Variants in HRH1 observed in about 807,000 individuals in gnomAD.
HRH1 encodes the protein histamine H1 receptor.
HRH1 carries 6 observed loss-of-function variants against 10.3 expected under a neutral mutation model. The ratio of observed to expected loss-of-function variants is 0.58; its 90% CI spans 0.32 to 1.15. The LOEUF (loss-of-function observed/expected upper bound fraction) is 1.15, where lower values mean the gene tolerates loss of function less well. HRH1 is among the 50% of genes most tolerant of loss of function. The pLI is 0.05. For missense variants in HRH1, 514 were observed against 615.3 expected, an observed-to-expected ratio of 0.84 and a Z score of 1.74; for synonymous variants, 242 against 236.7, an observed-to-expected ratio of 1.02 and a Z score of -0.21.
chr3:11,243,742 C>G (rs887089565), intron 1 of HRH1, among the ~76,000 whole-genome samples: 2 of 152,178 alleles, frequency 1.3e-5, no homozygotes, highest in Non-Finnish European at 2.9e-5. Flanking sequence ...ACCCATCCTT[C>G]AAAGCCTGGC....
At chr3:11,237,776 A>T (rs1383796139) in intron 1 of HRH1, among the ~76,000 whole-genome samples, 2 of 143,740 alleles carry the variant, frequency 1.4e-5, no homozygotes, top group East Asian at 4.1e-4. Context: ...CCCAGGTTCA[A>T]GCAATTCTCC....
chr3:11,250,280 C>T (rs1012999406), intron 1 of HRH1, among the ~76,000 whole-genome samples: 13 of 148,000 alleles, frequency 8.8e-5, no homozygotes, highest in African/African-American at 2.8e-4. Flanking sequence ...AGGATGGTCA[C>T]GATCTCCTGA....
chr3:11,247,967 A>G (rs550179441), intron 1 of HRH1, among the ~76,000 whole-genome samples: 1 of 152,080 alleles, frequency 6.6e-6, no homozygotes, highest in Non-Finnish European at 1.5e-5. Flanking sequence ...ATTCCTTTCC[A>G]TTTCCCGAAC....
chr3:11,182,051 C>T (rs1003523193), intron 1 of HRH1, among the ~76,000 whole-genome samples: 15 of 152,036 alleles, frequency 9.9e-5, no homozygotes, highest in African/African-American at 9.7e-5. Context: ...GACACAATCT[C>T]GGCTCACTGC....
Position 11,260,057 on chromosome 3 carries a change from A to T in HRH1, c.1020A>T (p.Thr340=), listed in dbSNP as rs746702553. Residue 340 remains threonine, a synonymous_variant, in exon 2 of 2, where the codon ACA becomes ACT. Coordinates refer to ENST00000431010, the MANE Select transcript of HRH1 (RefSeq NM_001098212.2). ...AGACAGATGAGCAGGGCCTGAACAC[A>T]CATGGGGCCAGCGAGATATCAGAGG... is the stretch of plus-strand genomic sequence containing the variant. ...QLKTDEQGLN[T]HGASEISEDQ... 11 of 1,614,162 alleles carry T rather than the reference A, an allele frequency of 6.8e-6. No homozygotes were observed. Among genetic ancestry groups the T allele is most frequent in the Admixed American group, 1.7e-5 (1 of 60,030 alleles).
chr3:11,217,582 G>A (rs1044732735), intron 1 of HRH1, among the ~76,000 whole-genome samples: 10 of 152,112 alleles, frequency 6.6e-5, no homozygotes, highest in African/African-American at 1.9e-4. Context: ...GAGGGAGGGA[G>A]AAATGGAGAG....
At chr3:11,172,557 T>C (rs531391624) in intron 1 of HRH1, among the ~76,000 whole-genome samples, 17 of 152,248 alleles carry the variant, frequency 1.1e-4, no homozygotes, top group African/African-American at 3.1e-4. Flanking sequence ...AGCTGCTTGC[T>C]AGAATCTCGA....
chr3:11,165,405 T>C (rs1213915831), intron 1 of HRH1, among the ~76,000 whole-genome samples: 1 of 152,186 alleles, frequency 6.6e-6, no homozygotes, highest in African/African-American at 2.4e-5. Context: ...CAGGAATAAG[T>C]CCCAAAACTA....
At position 11,260,200 on chromosome 3, in the gene HRH1, A is replaced by G. The variant is rs200903220; in HGVS notation, c.1163A>G (p.Lys388Arg). 8.1e-6 allele frequency: 13 copies of G among 1,614,012 alleles called. No individual in the cohort carries two copies. The highest frequency in any genetic ancestry group is 1.1e-5 in the Non-Finnish European group (13 of 1,180,040). ...SGSNTGLDYI[K>R]FTWKRLRSHS... is the part of the protein sequence containing the mutation. ...TCTAACACAGGCCTGGATTACATCA[A>G]GTTTACTTGGAAGAGGCTCCGCTCG... Residue 388 changes from lysine to arginine, a missense_variant, in exon 2 of 2, where the codon AAG becomes AGG. By Grantham distance (26) the Lys-to-Arg change is conservative. Coordinates refer to ENST00000431010, the MANE Select transcript of HRH1 (RefSeq NM_001098212.2).
At chr3:11,164,900 A>G (rs565152462) in intron 1 of HRH1, among the ~76,000 whole-genome samples, 1 of 152,314 alleles carries the variant, frequency 6.6e-6, no homozygotes, top group East Asian at 1.9e-4. Flanking sequence ...GCCACACCCA[A>G]CAGGGAAGAG....
At chr3:11,144,385 A>G in intron 1 of HRH1, among the ~76,000 whole-genome samples, 1 of 151,254 alleles carries the variant, frequency 6.6e-6, no homozygotes, top group African/African-American at 2.4e-5. Context: ...ATATGTCTAT[A>G]TGTGTATATA....
chr3:11,247,951 G>A lies in HRH1; in HGVS notation c.-35-11052G>A, dbSNP rs117211645. Reference sequence around the variant, plus strand: ...GATTATAAGGGAGGTGAATATTGAGGTCATAATTCCTTTCCATTTCCCGAA... The same window carrying A: ...GATTATAAGGGAGGTGAATATTGAGATCATAATTCCTTTCCATTTCCCGAA... On this transcript the variant is annotated intron_variant, in intron 1 of 1. Coordinates refer to ENST00000431010, the MANE Select transcript of HRH1 (RefSeq NM_001098212.2). 7.4e-4 allele frequency among the ~76,000 whole-genome samples: 112 copies of A among 152,274 alleles called. 2 individuals carry two copies. In the East Asian group the frequency reaches 0.021, roughly 29 times the overall value.
chr3:11,234,300 C>A, intron 1 of HRH1: 2 of 1,570,240 alleles, frequency 1.3e-6, no homozygotes, highest in South Asian at 1.1e-5. Flanking sequence ...TCAGTGGGAG[C>A]TGTTTCTTCT....
chr3:11,222,094 C>A (rs1424517327), intron 1 of HRH1, among the ~76,000 whole-genome samples: 1 of 152,076 alleles, frequency 6.6e-6, no homozygotes. Context: ...TCCAGTAATC[C>A]TTTATTCCAG....
chr3:11,242,572 G>A (rs1470625834), intron 1 of HRH1, among the ~76,000 whole-genome samples: 1 of 149,448 alleles, frequency 6.7e-6, no homozygotes, highest in Non-Finnish European at 1.5e-5. Flanking sequence ...CCAGGAACCT[G>A]CCGGAAGGAA....
intron 1 of HRH1, among the ~76,000 whole-genome samples, chr3:11,237,586 T>C (rs1036536256): frequency 1.1e-4 from 16 of 140,808 alleles, no homozygotes; most frequent in Non-Finnish European, 2.7e-4. Flanking sequence ...GATTAAACGA[T>C]TGAGGATTAA....
intron 1 of HRH1, among the ~76,000 whole-genome samples, chr3:11,255,507 T>A (rs2152588501): frequency 6.6e-6 from 1 of 152,160 alleles, no homozygotes; most frequent in Non-Finnish European, 1.5e-5. Context: ...CTGAGATAGG[T>A]CTCAGTTAAT....
At chr3:11,214,449 G>A (rs189563932) in intron 1 of HRH1, among the ~76,000 whole-genome samples, 1 of 152,336 alleles carries the variant, frequency 6.6e-6, no homozygotes, top group Non-Finnish European at 1.5e-5. Context: ...AAACCAGTCG[G>A]TAATGGTGGG....
intron 1 of HRH1, among the ~76,000 whole-genome samples, chr3:11,253,396 A>G (rs930817013): frequency 3.3e-5 from 5 of 152,152 alleles, no homozygotes; most frequent in African/African-American, 7.2e-5. Context: ...ATTTTTCCAC[A>G]TTTGAAACAT....
Sources: gnomAD v4.1 joint callset for allele counts (sites outside exome capture counted in the v4.1 genomes callset) on GRCh38, gnomAD v4.1.1 for gene constraint, MANE v1.5 for transcripts, NCBI Gene and HGNC (gene_info 2026-07-23, HGNC 2026-07-21) for gene names.